Variants in IL15 observed in about 807,000 individuals in gnomAD.
IL15 encodes the protein interleukin 15, also known as interleukin-15.
In IL15, 11 loss-of-function variants were observed where a neutral mutation model predicts 19.6. That is an observed-to-expected ratio of 0.56 (90% CI 0.35 to 0.93). The LOEUF (loss-of-function observed/expected upper bound fraction) is 0.93. Among genes scored for constraint, IL15 ranks in the 40% least tolerant of loss-of-function variants. The pLI is 0.01. For missense variants in IL15, 197 were observed against 186.5 expected (o/e 1.06, Z -0.33); for synonymous variants, 58 against 59.6 (o/e 0.97, Z 0.12).
intron 2 of IL15, among the ~76,000 whole-genome samples, chr4:141,705,248 A>G (rs905605615): frequency 6.6e-6 from 1 of 151,526 alleles, no homozygotes; most frequent in African/African-American, 2.4e-5. Context: ...AGTTTCTTTC[A>G]CTATGTCGCA....
At chr4:141,666,597 G>C (rs1419373531) in intron 2 of IL15, among the ~76,000 whole-genome samples, 2 of 151,872 alleles carry the variant, frequency 1.3e-5, no homozygotes, top group East Asian at 3.9e-4. Flanking sequence ...ATCTATCTCA[G>C]CCTCCCAAAG....
chr4:141,730,265 G>A (rs1401221116), intron 7 of IL15, among the ~76,000 whole-genome samples: 5 of 152,104 alleles, frequency 3.3e-5, no homozygotes. Context: ...TGACCTCAAG[G>A]TGTTTATTGT....
At chr4:141,649,910 T>C (rs1268528966) in intron 1 of IL15, among the ~76,000 whole-genome samples, 3 of 152,138 alleles carry the variant, frequency 2.0e-5, no homozygotes, top group African/African-American at 7.2e-5. Flanking sequence ...GAAAAATCTA[T>C]AGTAAACAAC....
At chr4:141,710,075 G>T (rs1432608447) in intron 2 of IL15, among the ~76,000 whole-genome samples, 1 of 152,126 alleles carries the variant, frequency 6.6e-6, no homozygotes, top group Non-Finnish European at 1.5e-5. Context: ...TGCTGCAAAG[G>T]ATATGATTTC....
Position 141,677,955 on chromosome 4 carries a change from T to TAG in IL15, c.-100+21651_-100+21652dup, listed in dbSNP as rs552256882. ...TGCTCAAAACAGTAATTGGCAGAGT[T>TAG]AGAGGTCAAGCCTGGGTTTGGTTGA... On this transcript the variant is annotated intron_variant, in intron 2 of 7. Transcript: ENST00000320650. Among the ~76,000 whole-genome samples, 121 of 152,206 alleles carry TAG rather than the reference T, an allele frequency of 7.9e-4. 2 individuals are homozygous for TAG. Among genetic ancestry groups the TAG allele is most frequent in the Admixed American group, 4.0e-3 (61 of 15,278 alleles).
chr4:141,645,058 G>A (rs1003455016), intron 1 of IL15, among the ~76,000 whole-genome samples: 1 of 152,074 alleles, frequency 6.6e-6, no homozygotes, highest in African/African-American at 2.4e-5. Flanking sequence ...ATGTTAGAGG[G>A]TTAATAATTT....
At chr4:141,691,381 A>G (rs1490619461) in intron 2 of IL15, among the ~76,000 whole-genome samples, 1 of 152,094 alleles carries the variant, frequency 6.6e-6, no homozygotes. Context: ...TCCATTTTGA[A>G]ACCAATCACA....
intron 2 of IL15, among the ~76,000 whole-genome samples, chr4:141,698,189 A>G (rs768813222): frequency 1.3e-5 from 2 of 152,038 alleles, no homozygotes; most frequent in Non-Finnish European, 2.9e-5. Flanking sequence ...TATGAAATTC[A>G]CTTGATCATG....
chr4:141,643,804 G>A (rs1022154216), intron 1 of IL15, among the ~76,000 whole-genome samples: 7 of 151,686 alleles, frequency 4.6e-5, no homozygotes, highest in South Asian at 2.1e-4. Context: ...ACAAATGTAC[G>A]GGTGAATCTA....
chr4:141,673,266 G>GA (rs1407880867), intron 2 of IL15, among the ~76,000 whole-genome samples: 2 of 152,060 alleles, frequency 1.3e-5, no homozygotes, highest in South Asian at 2.1e-4. Context: ...CATTGAAATA[G>GA]AAAAAACATA....
chr4:141,694,404 A>T (rs1217751266), intron 2 of IL15, among the ~76,000 whole-genome samples: 2 of 152,210 alleles, frequency 1.3e-5, no homozygotes, highest in Non-Finnish European at 2.9e-5. Flanking sequence ...GTATTTCTCC[A>T]GGTACAGTCT....
chr4:141,726,148 T>G (rs1453456158), intron 5 of IL15, among the ~76,000 whole-genome samples: 1 of 152,172 alleles, frequency 6.6e-6, no homozygotes, highest in African/African-American at 2.4e-5. Context: ...GGATTAAGTT[T>G]CAATCTGAAT....
At chr4:141,728,958 G>C (rs1730360809) in intron 6 of IL15, among the ~76,000 whole-genome samples, 1 of 152,100 alleles carries the variant, frequency 6.6e-6, no homozygotes, top group African/African-American at 2.4e-5. Flanking sequence ...TTAGATTTTA[G>C]AAGTTTAGAT....
chr4:141,640,908 G>C (rs1019041003), intron 1 of IL15, among the ~76,000 whole-genome samples: 5 of 152,196 alleles, frequency 3.3e-5, no homozygotes, highest in African/African-American at 1.2e-4. Context: ...AACTGAAAAT[G>C]GTTGTAGAAC....
At chr4:141,643,804 G>T (rs1022154216) in intron 1 of IL15, among the ~76,000 whole-genome samples, 1 of 151,570 alleles carries the variant, frequency 6.6e-6, no homozygotes, top group African/African-American at 2.4e-5. Flanking sequence ...ACAAATGTAC[G>T]GGTGAATCTA....
chr4:141,719,572 A>G, intron 3 of IL15, 96 bp downstream of exon 3: 1 of 981,090 alleles, frequency 1.0e-6, no homozygotes, highest in South Asian at 1.8e-5. Flanking sequence ...GTTATTCTCC[A>G]AAGATCTTGA....
At chr4:141,656,992 A>G (rs949421630) in intron 2 of IL15, among the ~76,000 whole-genome samples, 1 of 152,200 alleles carries the variant, frequency 6.6e-6, no homozygotes, top group Non-Finnish European at 1.5e-5. Flanking sequence ...ATGTTCTAAG[A>G]AATGCATTGT....
rs1730538035 is a variant in IL15 at position 141,733,920 on chromosome 4, C to G, written c.*1072C>G. ...CACTACACTGTCTAAAATTAGCAAG[C>G]TCTCTTCTAATGGAACTGTAAGAAA... is the stretch of plus-strand genomic sequence containing the variant. On this transcript the variant is annotated 3_prime_UTR_variant, in exon 8 of 8. Coordinates refer to ENST00000320650, the MANE Select transcript of IL15 (RefSeq NM_000585.5). 1 of 152,160 alleles carries G rather than the reference C, an allele frequency of 6.6e-6. No homozygotes were observed. Among genetic ancestry groups the G allele is most frequent in the Non-Finnish European group, 1.5e-5 (1 of 68,032 alleles). 9.4% of individuals were successfully genotyped at this position (152,160 alleles called of 1,614,324 possible). A position where few individuals can be genotyped will look rare whatever the true frequency, so the allele number is the denominator to read the frequency against.
intron 2 of IL15, among the ~76,000 whole-genome samples, chr4:141,667,099 G>A (rs774092759): frequency 6.6e-6 from 1 of 152,188 alleles, no homozygotes; most frequent in Non-Finnish European, 1.5e-5. Context: ...CATTTACACA[G>A]GAATGGAAGT....
Sources: gnomAD v4.1 joint callset for allele counts (sites outside exome capture counted in the v4.1 genomes callset) on GRCh38, gnomAD v4.1.1 for gene constraint, MANE v1.5 for transcripts, NCBI Gene and HGNC (gene_info 2026-07-23, HGNC 2026-07-21) for gene names.